SNX29: variants seen among roughly 807,000 people sequenced by gnomAD.
SNX29 encodes the protein sorting nexin 29, also known as sorting nexin-29.
Under a neutral mutation model 102.1 loss-of-function variants are expected in SNX29, and 78 were observed. The ratio of observed to expected loss-of-function variants is 0.76; its 90% CI spans 0.64 to 0.92. SNX29 has a LOEUF of 0.92. SNX29 is among the 40% of genes least tolerant of loss of function. The pLI is 0.00. For missense variants in SNX29, 1,280 were observed against 1,061.7 expected (o/e 1.21, Z -2.86); for synonymous variants, 580 against 414.5 (o/e 1.40, Z -4.85).
intron 19 of SNX29, among the ~76,000 whole-genome samples, chr16:12,486,906 G>C (rs556000547): frequency 1.3e-5 from 2 of 152,158 alleles, no homozygotes; most frequent in South Asian, 2.1e-4. Flanking sequence ...ACAGTTACTC[G>C]TTCATTTATT....
intron 20 of SNX29, among the ~76,000 whole-genome samples, chr16:12,539,880 T>C (rs1265868338): frequency 6.6e-6 from 1 of 152,248 alleles, no homozygotes; most frequent in Non-Finnish European, 1.5e-5. Context: ...TCTTAGAAAC[T>C]AGGCTGTTTG....
At chr16:12,116,128 T>C (rs1045259615) in intron 11 of SNX29, among the ~76,000 whole-genome samples, 10 of 152,204 alleles carry the variant, frequency 6.6e-5, no homozygotes, top group Non-Finnish European at 4.4e-5. Flanking sequence ...TCTCTCCTAA[T>C]TGTGGGAAAC....
chr16:12,381,437 C>G, intron 16 of SNX29, among the ~76,000 whole-genome samples: 1 of 80,538 alleles, frequency 1.2e-5, no homozygotes, highest in Non-Finnish European at 2.4e-5. Context: ...ACCCACCCAT[C>G]CATCATTCAT....
chr16:12,311,895 T>C (rs1207296908), intron 15 of SNX29, among the ~76,000 whole-genome samples: 1 of 152,188 alleles, frequency 6.6e-6, no homozygotes, highest in African/African-American at 2.4e-5. Flanking sequence ...TCTCTATCTT[T>C]GCATAAAAGT....
At chr16:12,347,235 C>T (rs2081840852) in intron 15 of SNX29, among the ~76,000 whole-genome samples, 2 of 150,032 alleles carry the variant, frequency 1.3e-5, no homozygotes, top group Non-Finnish European at 3.0e-5. Flanking sequence ...CTCGGTGGCA[C>T]TTCAGGATGA....
intron 19 of SNX29, among the ~76,000 whole-genome samples, chr16:12,504,238 T>C (rs929210888): frequency 1.3e-5 from 2 of 152,246 alleles, no homozygotes; most frequent in African/African-American, 2.4e-5. Flanking sequence ...CTTCATTCCT[T>C]TTTTAAAAGA....
chr16:12,078,731 G>C (rs756636294), intron 10 of SNX29, 102 bp from the exon 11 acceptor site: 1 of 927,488 alleles, frequency 1.1e-6, no homozygotes, highest in Non-Finnish European at 1.7e-6. Context: ...ATCCCTTCTA[G>C]TAGAGGTACC....
chr16:12,524,673 C>T lies in SNX29; in HGVS notation c.2179-29C>T, dbSNP rs747876766. The T allele has an allele frequency of 1.9e-6, 3 of 1,608,714 alleles. No individual in the cohort carries two copies. In the African/African-American group the frequency reaches 4.0e-5, roughly 22 times the overall value. On this transcript the variant is annotated intron_variant, in intron 19 of 20. Coordinates refer to ENST00000566228, the MANE Select transcript of SNX29 (RefSeq NM_032167.5). ...TTCTGACCAGGTGAGGAAGACGTAC[C>T]AAAGCGAAGATGTTTTGTGTTTCCT...
chr16:12,057,813 A>T (rs996935626), intron 8 of SNX29, among the ~76,000 whole-genome samples: 8 of 107,232 alleles, frequency 7.5e-5, no homozygotes, highest in African/African-American at 2.4e-4. Context: ...ATATATATAT[A>T]TTTTATATAT....
intron 14 of SNX29, among the ~76,000 whole-genome samples, chr16:12,256,806 G>T (rs2078587705): frequency 6.6e-6 from 1 of 152,164 alleles, no homozygotes; most frequent in Non-Finnish European, 1.5e-5. Context: ...AATGGCCACT[G>T]ATGGCTCTGC....
At chr16:12,349,701 C>T (rs747812296) in intron 15 of SNX29, among the ~76,000 whole-genome samples, 5 of 152,148 alleles carry the variant, frequency 3.3e-5, no homozygotes, top group African/African-American at 7.2e-5. Flanking sequence ...GAATGACAGG[C>T]GTTGATAGCA....
intron 13 of SNX29, among the ~76,000 whole-genome samples, chr16:12,174,261 C>T (rs554363071): frequency 3.3e-5 from 5 of 152,310 alleles, no homozygotes; most frequent in African/African-American, 7.2e-5. Flanking sequence ...CTCCCCTGTG[C>T]TTCTGAGCTG....
chr16:12,521,402 C>T (rs573418528), intron 19 of SNX29, among the ~76,000 whole-genome samples: 32 of 151,850 alleles, frequency 2.1e-4, no homozygotes, highest in African/African-American at 7.5e-4. Context: ...CCTCTGGGAC[C>T]TGGGTGAGAG....
intron 18 of SNX29, among the ~76,000 whole-genome samples, chr16:12,472,778 C>G (rs2087421655): frequency 6.6e-6 from 1 of 152,020 alleles, no homozygotes; most frequent in Admixed American, 6.6e-5. Context: ...CTTAACCTTC[C>G]TTTACCTCCA....
At position 12,053,664 on chromosome 16, in the gene SNX29, GTTT is replaced by G. The variant is rs75991516; in HGVS notation, c.1124+1454_1124+1456del. Among the ~76,000 whole-genome samples the G allele has an allele frequency of 1.8e-3, 261 of 147,024 alleles. 1 individual carries two copies. Among genetic ancestry groups the G allele is most frequent in the Non-Finnish European group, 3.1e-3 (204 of 66,624 alleles). On this transcript the variant is annotated intron_variant, in intron 8 of 20. Coordinates refer to ENST00000566228, the MANE Select transcript of SNX29 (RefSeq NM_032167.5). ...GTTTTCATGTTGTTACAATATTAGG[GTTT>G]TTTTTTTTTTTCTGATGAGACTGTG...
At chr16:12,567,155 G>A (rs1255891827) in intron 20 of SNX29, among the ~76,000 whole-genome samples, 16 of 152,334 alleles carry the variant, frequency 1.1e-4, no homozygotes, top group Non-Finnish European at 4.4e-5. Flanking sequence ...CTTGGATACA[G>A]CTGGGGGTGG....
chr16:12,136,194 C>T (rs2054653677), intron 13 of SNX29, among the ~76,000 whole-genome samples: 1 of 152,196 alleles, frequency 6.6e-6, no homozygotes, highest in Non-Finnish European at 1.5e-5. Flanking sequence ...TGCTTCTGAG[C>T]CTCTCTGGTT....
intron 8 of SNX29, chr16:12,052,724 C>T (rs1434173058): frequency 5.8e-6 from 1 of 171,810 alleles, no homozygotes; most frequent in Non-Finnish European, 1.3e-5. Flanking sequence ...GCACTTAATA[C>T]AAAGTTAATG....
chr16:12,251,791 G>T (rs576535075), intron 14 of SNX29, among the ~76,000 whole-genome samples: 2 of 151,558 alleles, frequency 1.3e-5, no homozygotes, highest in Non-Finnish European at 2.9e-5. Context: ...ACAGTGTCTT[G>T]CTCTGTCACC....
Sources: gnomAD v4.1 joint callset for allele counts (sites outside exome capture counted in the v4.1 genomes callset) on GRCh38, gnomAD v4.1.1 for gene constraint, MANE v1.5 for transcripts, NCBI Gene and HGNC (gene_info 2026-07-23, HGNC 2026-07-21) for gene names.